RNF34: variants seen among roughly 807,000 people sequenced by gnomAD.
The protein encoded by RNF34 is E3 ubiquitin-protein ligase RNF34.
In RNF34, 12 loss-of-function variants were observed where a neutral mutation model predicts 37.9. That is an observed-to-expected ratio of 0.32 (90% confidence interval 0.20 to 0.51). The LOEUF is 0.51. Among genes scored for constraint, RNF34 ranks in the 20% least tolerant of loss-of-function variants. The pLI is 0.97. For synonymous variants in RNF34, 155 were observed against 177.2 expected (o/e 0.87, Z 1.00); for missense variants, 362 against 472.7 (o/e 0.77, Z 2.17).
At chr12:121,405,050 G>C (rs1427227775) in intron 1 of RNF34, 2 of 152,220 alleles carry the variant, frequency 1.3e-5, no homozygotes, top group African/African-American at 4.8e-5. Context: ...TGAGGAACCT[G>C]AGAGAGTCCT....
rs959394670 is a variant in RNF34, at chr12:121,423,256, G to C, written c.929-130G>C. On this transcript the variant is annotated intron_variant, in intron 5 of 5. Transcript: ENST00000361234. The surrounding 1 kb of genome is among the most constrained non-coding windows in gnomAD (Gnocchi z 4.3). ...TGCAGAGAAGTTGGGATTATTTCTT[G>C]TACAACACTGGGGTGGCATTGGGCC... The C allele has an allele frequency of 1.6e-6, 1 of 626,788 alleles. No individual in the cohort carries two copies. Among genetic ancestry groups the C allele is most frequent in the Admixed American group, 3.1e-5 (1 of 32,396 alleles). 38.8% of individuals were successfully genotyped at this position (626,788 alleles called of 1,614,324 possible).
At position 121,420,682 on chromosome 12, in the gene RNF34, C is replaced by T. The variant is rs782675815; in HGVS notation, c.832C>T (p.Arg278Trp). The change falls in exon 5 of 6, where the codon CGG (arginine) becomes TGG (tryptophan). Residue 278 changes from arginine to tryptophan, a missense_variant. Arg to Trp is a moderately radical substitution (Grantham distance 101). Coordinates refer to ENST00000361234, the MANE Select transcript of RNF34 (RefSeq NM_025126.4). Reference protein sequence around the residue: ...SVRQLKEILARNFVNYSGCCE... With the variant: ...SVRQLKEILAWNFVNYSGCCE... ...GCGCCAGCTGAAGGAAATTCTGGCT[C>T]GGAATTTTGTCAACTATTCTGGCTG... is the stretch of plus-strand genomic sequence containing the variant. 3.2e-5 allele frequency: 51 copies of T among 1,613,820 alleles called. No homozygotes were observed. The highest frequency in any genetic ancestry group is 3.8e-5 in the Non-Finnish European group (45 of 1,179,982).
Position 121,400,185 on chromosome 12 carries a change from A to C in RNF34, c.-28A>C. ...GCTATGGTGCTGAGTTTCCTGGTAG[A>C]GCCGGCCGAGCTGAGGCGGTCGCGG... On this transcript the variant is annotated 5_prime_UTR_variant, in exon 1 of 6. Coordinates refer to ENST00000361234, the MANE Select transcript of RNF34 (RefSeq NM_025126.4). 6.2e-7 allele frequency: 1 copy of C among 1,607,156 alleles called. No homozygotes were observed. Among genetic ancestry groups the C allele is most frequent in the South Asian group, 1.1e-5 (1 of 90,444 alleles).
At position 121,416,230 on chromosome 12, in the gene RNF34, G is replaced by A. The variant is rs782706106; in HGVS notation, c.78G>A (p.Arg26=). The change falls in exon 2 of 6, where the codon AGG becomes AGA. Residue 26 remains arginine, a synonymous_variant. Coordinates refer to ENST00000361234, the MANE Select transcript of RNF34 (RefSeq NM_025126.4). ...AAGTCATGGGAACTGGAGCTGTCAG[G>A]GGCCAGCAGTCAGCATTTGCAGGAG... The part of the protein sequence containing the change: ...LNEVMGTGAV[R]GQQSAFAGAT... 2 of 1,614,078 alleles carry A rather than the reference G, an allele frequency of 1.2e-6. No homozygotes were observed. Among genetic ancestry groups the A allele is most frequent in the East Asian group, 2.2e-5 (1 of 44,874 alleles).
intron 1 of RNF34, among the ~76,000 whole-genome samples, chr12:121,406,025 C>T (rs797031750): frequency 1.3e-5 from 2 of 149,956 alleles, no homozygotes; most frequent in African/African-American, 4.9e-5. Flanking sequence ...GATCTCCTGA[C>T]CTTGTGATCT....
intron 5 of RNF34, among the ~76,000 whole-genome samples, chr12:121,421,371 T>TAAAAAAAA (rs11398833): frequency 8.6e-5 from 4 of 46,362 alleles, no homozygotes; most frequent in Admixed American, 3.3e-4. Flanking sequence ...ATCCCATCTC[T>TAAAAAAAA]AAAAAAAAAA....
chr12:121,419,291 A>G (rs1161881734), intron 3 of RNF34, among the ~76,000 whole-genome samples: 1 of 152,218 alleles, frequency 6.6e-6, no homozygotes, highest in Non-Finnish European at 1.5e-5. Flanking sequence ...CTAGGTGTGT[A>G]GCAGGCTGTG....
intron 2 of RNF34, among the ~76,000 whole-genome samples, chr12:121,416,856 A>G (rs1871620380): frequency 6.6e-6 from 1 of 152,108 alleles, no homozygotes; most frequent in Non-Finnish European, 1.5e-5. Flanking sequence ...GACCCATCAT[A>G]TTGGTAGGCC....
At chr12:121,420,949 C>T (rs1460435545) in intron 5 of RNF34, among the ~76,000 whole-genome samples, 171 bp downstream of exon 5, 1 of 152,066 alleles carries the variant, frequency 6.6e-6, no homozygotes, top group Non-Finnish European at 1.5e-5. Flanking sequence ...GGAGTAACTT[C>T]ATTATGTGAT....
chr12:121,420,612 A>C lies in RNF34; in HGVS notation c.762A>C (p.Ser254=). 3.1e-6 allele frequency: 5 copies of C among 1,614,206 alleles called. No homozygotes were observed. The highest frequency in any genetic ancestry group is 4.2e-6 in the Non-Finnish European group (5 of 1,180,028). Residue 254 remains serine, a synonymous_variant, in exon 5 of 6, where the codon TCA becomes TCC. Coordinates refer to ENST00000361234, the MANE Select transcript of RNF34 (RefSeq NM_025126.4). The part of the protein sequence containing the change: ...PGLSKERVRA[S]LSDLSSLDDV... ...TCTCCAAGGAGAGAGTGAGAGCTTC[A>C]CTGTCTGACTTGTCAAGCCTTGATG...
chr12:121,402,744 G>A (rs1159656321), intron 1 of RNF34: 5 of 1,590,190 alleles, frequency 3.1e-6, no homozygotes, highest in Non-Finnish European at 4.3e-6. Flanking sequence ...TCTGAAAGGT[G>A]GGGGAGTGGT....
chr12:121,406,339 G>A (rs542272806), intron 1 of RNF34, among the ~76,000 whole-genome samples: 12 of 144,580 alleles, frequency 8.3e-5, no homozygotes, highest in African/African-American at 2.6e-4. Context: ...CCAGGCTGGA[G>A]TGCAGTGGCG....
intron 1 of RNF34, among the ~76,000 whole-genome samples, chr12:121,410,815 T>C (rs1870988571): frequency 6.6e-6 from 1 of 152,232 alleles, no homozygotes; most frequent in African/African-American, 2.4e-5. Context: ...TCAGGATTGC[T>C]TCTTTACCTT....
In RNF34 at chr12:121,420,237, T is replaced by G; in HGVS notation, c.634-5T>G. 1 of 1,608,924 alleles carries G rather than the reference T, an allele frequency of 6.2e-7. No individual in the cohort carries two copies. ...GACCTAATCAGATACGTTGTATAAG[T>G]GTAGGTACAAAGTGAAATCACTTCA... On this transcript the variant is annotated splice_region_variant and splice_polypyrimidine_tract_variant and intron_variant, in intron 3 of 5. Coordinates refer to ENST00000361234, the MANE Select transcript of RNF34 (RefSeq NM_025126.4).
intron 1 of RNF34, among the ~76,000 whole-genome samples, chr12:121,403,124 C>T (rs886539180): frequency 3.3e-5 from 5 of 152,146 alleles, no homozygotes; most frequent in African/African-American, 9.7e-5. Context: ...AGGCCGGGCG[C>T]GGTGGCTCAC....
intron 1 of RNF34, among the ~76,000 whole-genome samples, chr12:121,401,955 G>A (rs1165499005): frequency 6.6e-6 from 1 of 152,148 alleles, no homozygotes; most frequent in Non-Finnish European, 1.5e-5. Flanking sequence ...ACACCATTGA[G>A]GATTTGGGCT....
chr12:121,415,749 G>C (rs1483533545), intron 1 of RNF34, among the ~76,000 whole-genome samples: 1 of 151,834 alleles, frequency 6.6e-6, no homozygotes, highest in African/African-American at 2.4e-5. Flanking sequence ...TAAAATACAG[G>C]GTGCCTGAAA....
At chr12:121,403,268 C>A (rs1396310426) in intron 1 of RNF34, among the ~76,000 whole-genome samples, 1 of 151,814 alleles carries the variant, frequency 6.6e-6, no homozygotes, top group African/African-American at 2.4e-5. Context: ...TGGTGGCGGG[C>A]GCCTGTAGTC....
Position 121,416,159 on chromosome 12 carries a change from G to A in RNF34, c.7G>A (p.Ala3Thr), listed in dbSNP as rs782662202. 2.5e-6 allele frequency: 4 copies of A among 1,613,322 alleles called. No individual in the cohort carries two copies. The highest frequency in any genetic ancestry group is 3.4e-6 in the Non-Finnish European group (4 of 1,179,494). MK[A>T]GATSMWASCC... The stretch of plus-strand genomic sequence containing the variant: ...CTGTGGGATTTGTGTTCCTTTTTAG[G>A]CGGGTGCCACGTCTATGTGGGCTTC... The change falls in exon 2 of 6, where the codon GCG (alanine) becomes ACG (threonine). Residue 3 changes from alanine (A) to threonine (T), a missense_variant and splice_region_variant. Physicochemically the swap from Ala to Thr is moderately conservative, Grantham distance 58. Transcript: ENST00000361234.
Sources: allele counts gnomAD v4.1 joint callset (sites outside exome capture counted in the v4.1 genomes callset), GRCh38; gene constraint gnomAD v4.1.1; non-coding constraint Gnocchi (gnomAD v3.1); transcripts MANE v1.5; gene names NCBI Gene and HGNC (gene_info 2026-07-23, HGNC 2026-07-21).